Variants in CCSER1 observed in about 807,000 individuals in gnomAD.
CCSER1 encodes the protein coiled-coil serine rich protein 1.
In CCSER1, 41 loss-of-function variants were observed where a neutral mutation model predicts 82.0. The observed-to-expected ratio is 0.50, with a 90% CI of 0.39 to 0.65. The LOEUF (loss-of-function observed/expected upper bound fraction) is 0.65, where lower values mean the gene tolerates loss of function less well. Ranked by LOEUF, CCSER1 falls within the 30% of genes least tolerant of loss-of-function variation. The pLI is 0.00. For synonymous variants in CCSER1, 414 were observed against 383.9 expected, an observed-to-expected ratio of 1.08 and a Z score of -0.92; for missense variants, 1,119 against 1,064.2, an observed-to-expected ratio of 1.05 and a Z score of -0.72.
At chr4:90,465,794 G>A (rs1446308561) in intron 4 of CCSER1, among the ~76,000 whole-genome samples, 1 of 152,106 alleles carries the variant, frequency 6.6e-6, no homozygotes, top group African/African-American at 2.4e-5. Context: ...TAGTAAAGAA[G>A]TTTGTACTTT....
chr4:91,493,933 G>A (rs1380681484), intron 10 of CCSER1, among the ~76,000 whole-genome samples: 1 of 151,744 alleles, frequency 6.6e-6, no homozygotes, highest in Non-Finnish European at 1.5e-5. Context: ...TTCCACAGGG[G>A]AGCACATTTC....
chr4:90,579,014 A>ATTGCTTCT (rs1781098310), intron 5 of CCSER1, among the ~76,000 whole-genome samples: 2 of 151,232 alleles, frequency 1.3e-5, no homozygotes, highest in African/African-American at 4.9e-5. Context: ...TATGTTGTCT[A>ATTGCTTCT]TTAAAAAAAG....
At chr4:90,265,961 A>T (rs1158249336) in intron 1 of CCSER1, among the ~76,000 whole-genome samples, 1 of 152,166 alleles carries the variant, frequency 6.6e-6, no homozygotes, top group Non-Finnish European at 1.5e-5. Context: ...GCACCAAGAT[A>T]TTTAACTTTG....
chr4:90,933,000 GAAAGAAAGAAAGAAAGAAAGAA>G (rs1730292944), intron 9 of CCSER1, among the ~76,000 whole-genome samples: 2 of 63,276 alleles, frequency 3.2e-5, no homozygotes, highest in African/African-American at 2.4e-4. Flanking sequence ...AAGAAAGAAA[GAAAGAAAGAAAGAAAGAAAGAA>G]AGAAAGAAAG....
intron 10 of CCSER1, among the ~76,000 whole-genome samples, chr4:91,103,358 G>A (rs1725273143): frequency 1.3e-5 from 2 of 151,968 alleles, no homozygotes; most frequent in Admixed American, 1.3e-4. Flanking sequence ...TTCCTTCCCA[G>A]TGATCACCAC....
At chr4:90,935,460 G>A (rs1233730206) in intron 9 of CCSER1, among the ~76,000 whole-genome samples, 1 of 152,052 alleles carries the variant, frequency 6.6e-6, no homozygotes. Flanking sequence ...ATAATCCTGA[G>A]CCAAATAAAC....
At chr4:90,323,368 C>A (rs1661927984) in intron 3 of CCSER1, among the ~76,000 whole-genome samples, 1 of 152,218 alleles carries the variant, frequency 6.6e-6, no homozygotes, top group African/African-American at 2.4e-5. Flanking sequence ...TTATTTGGGA[C>A]CCCATGCCAC....
At chr4:90,405,035 A>G (rs1418823302) in intron 4 of CCSER1, among the ~76,000 whole-genome samples, 1 of 152,224 alleles carries the variant, frequency 6.6e-6, no homozygotes, top group East Asian at 1.9e-4. Flanking sequence ...TGCCGTAAAA[A>G]GAATTAGAAG....
At chr4:91,572,621 T>C (rs976150113) in intron 10 of CCSER1, among the ~76,000 whole-genome samples, 1 of 151,778 alleles carries the variant, frequency 6.6e-6, no homozygotes, top group Non-Finnish European at 1.5e-5. Flanking sequence ...GAGGCCCCAG[T>C]TGGGAGGTCC....
intron 5 of CCSER1, among the ~76,000 whole-genome samples, chr4:90,491,105 C>T (rs952902903): frequency 5.3e-5 from 8 of 152,040 alleles, no homozygotes; most frequent in African/African-American, 1.9e-4. Context: ...TATAAATTAC[C>T]TTGGGCAGTA....
intron 1 of CCSER1, among the ~76,000 whole-genome samples, chr4:90,296,118 A>G (rs1731847557): frequency 6.6e-6 from 1 of 152,076 alleles, no homozygotes; most frequent in Non-Finnish European, 1.5e-5. Flanking sequence ...AATTTATCAA[A>G]TTCAGCTTTT....
chr4:90,902,734 G>T (rs1724843540), intron 8 of CCSER1, among the ~76,000 whole-genome samples: 1 of 152,006 alleles, frequency 6.6e-6, no homozygotes, highest in South Asian at 2.1e-4. Context: ...TTTTTAATTT[G>T]GTTGTACAGT....
At position 91,521,002 on chromosome 4, in the gene CCSER1, C is replaced by T. The variant is rs554675405; in HGVS notation, c.2218-77570C>T. Among the ~76,000 whole-genome samples, 14 of 87,388 alleles carry T rather than the reference C, an allele frequency of 1.6e-4. No homozygotes were observed. In the South Asian group the frequency reaches 4.8e-3, roughly 30 times the overall value. The allele number at this position is 87,388 out of a possible 152,430, so 57.3% of individuals were successfully genotyped here. A position where few individuals can be genotyped will look rare whatever the true frequency, so the allele number is the denominator to read the frequency against. On this transcript the variant is annotated intron_variant, in intron 10 of 10. Transcript: ENST00000509176. ...GCTGCACCCATCAACTCGTCATTTA[C>T]ATTAGGTTATTTCTTCTAGCTATCC...
At chr4:90,977,015 G>GA (rs1332397151) in intron 9 of CCSER1, among the ~76,000 whole-genome samples, 3 of 151,642 alleles carry the variant, frequency 2.0e-5, no homozygotes, top group Admixed American at 6.6e-5. Context: ...AATATAAATA[G>GA]AAAAAATTGA....
chr4:90,416,288 T>C (rs2153558451), intron 4 of CCSER1, among the ~76,000 whole-genome samples: 1 of 152,298 alleles, frequency 6.6e-6, no homozygotes. Context: ...CAGTCTCTTT[T>C]TGTAAACCCT....
chr4:90,463,363 G>A (rs895186867), intron 4 of CCSER1, among the ~76,000 whole-genome samples: 1 of 152,148 alleles, frequency 6.6e-6, no homozygotes, highest in African/African-American at 2.4e-5. Flanking sequence ...GAGGACTAGC[G>A]AGAAATAGAT....
intron 4 of CCSER1, among the ~76,000 whole-genome samples, chr4:90,417,887 G>A (rs1343503920): frequency 6.6e-6 from 1 of 152,046 alleles, no homozygotes; most frequent in Non-Finnish European, 1.5e-5. Context: ...CATTCACACA[G>A]GGAAAATTAT....
chr4:91,510,621 G>A (rs555470420), intron 10 of CCSER1, among the ~76,000 whole-genome samples: 1 of 152,246 alleles, frequency 6.6e-6, no homozygotes, highest in African/African-American at 2.4e-5. Context: ...CCATTTGTAT[G>A]TCTACTGTTG....
chr4:90,972,149 C>A (rs1055103987), intron 9 of CCSER1, among the ~76,000 whole-genome samples: 1 of 151,374 alleles, frequency 6.6e-6, no homozygotes, highest in Non-Finnish European at 1.5e-5. Context: ...AGCAATTAAA[C>A]AAGAAAAAGA....
Sources: gnomAD v4.1 joint callset for allele counts (sites outside exome capture counted in the v4.1 genomes callset) on GRCh38, gnomAD v4.1.1 for gene constraint, MANE v1.5 for transcripts, NCBI Gene and HGNC (gene_info 2026-07-23, HGNC 2026-07-21) for gene names.